Variants in MID1 observed in about 807,000 individuals in gnomAD.
MID1 encodes the protein midline 1.
A neutral mutation model predicts 40.4 loss-of-function variants in MID1; 7 were observed. The ratio of observed to expected loss-of-function variants is 0.17; its 90% CI spans 0.10 to 0.33. MID1 has a LOEUF of 0.33. Ranked by LOEUF, MID1 falls within the 10% of genes least tolerant of loss-of-function variation. The pLI, the probability that MID1 is intolerant of heterozygous loss-of-function variation, is 1.00. For synonymous variants in MID1, 229 were observed against 221.2 expected, an observed-to-expected ratio of 1.04 and a Z score of -0.31; for missense variants, 367 against 558.5, an observed-to-expected ratio of 0.66 and a Z score of 3.46.
In MID1 at chrX:10,580,908, C is replaced by T. The variant is rs1366833673; in HGVS notation, c.-56-13305G>A. 6.3e-5 allele frequency among the ~76,000 whole-genome samples: 6 copies of T among 94,598 alleles called. No individual in the cohort carries two copies. The East Asian group carries it at 2.0e-3, about 31-fold the overall frequency. 82.1% of individuals were successfully genotyped at this position (94,598 alleles called of 115,157 possible). ...CAAGTGTTCTTGGTCTAGTTTTGGG[C>T]TGACACTGTCAATGTGGTGTCCTGT... On this transcript the variant is annotated intron_variant, in intron 1 of 9. Transcript: ENST00000317552.
At chrX:10,785,015 G>A (rs985090129) in intron 1 of MID1, among the ~76,000 whole-genome samples, 1 of 110,928 alleles carries the variant, frequency 9.0e-6, no homozygotes, top group Non-Finnish European at 1.9e-5. Flanking sequence ...AGGAAAAGAG[G>A]AAGTCAAATT....
chrX:10,697,931 G>A (rs2043171419), intron 1 of MID1, among the ~76,000 whole-genome samples: 1 of 112,065 alleles, frequency 8.9e-6, no homozygotes, highest in Admixed American at 9.4e-5. Flanking sequence ...TGTCCCCTGG[G>A]GGAAAGAATC....
At chrX:10,792,182 T>C (rs1258268887) in intron 1 of MID1, among the ~76,000 whole-genome samples, 1 of 112,102 alleles carries the variant, frequency 8.9e-6, no homozygotes, top group Non-Finnish European at 1.9e-5. Flanking sequence ...ATAGACAATA[T>C]GTAAATGAAT....
At chrX:10,696,504 C>G (rs1343742346) in intron 1 of MID1, among the ~76,000 whole-genome samples, 1 of 111,582 alleles carries the variant, frequency 9.0e-6, no homozygotes, top group African/African-American at 3.3e-5. Context: ...TCTTGATAAA[C>G]TTTCACTCCT....
At chrX:10,803,448 G>A (rs1289443009) in intron 1 of MID1, among the ~76,000 whole-genome samples, 3 of 107,361 alleles carry the variant, frequency 2.8e-5, no homozygotes, top group Non-Finnish European at 5.8e-5. Flanking sequence ...CACCTCCCAG[G>A]TTCAAGCGAT....
chrX:10,548,917 A>G (rs1323938293), intron 2 of MID1, among the ~76,000 whole-genome samples: 1 of 112,309 alleles, frequency 8.9e-6, no homozygotes, highest in Non-Finnish European at 1.9e-5. Context: ...TCATCAGCAC[A>G]GTAAGGAAGA....
chrX:10,724,598 A>G (rs2043378144), intron 1 of MID1, among the ~76,000 whole-genome samples: 1 of 112,212 alleles, frequency 8.9e-6, no homozygotes, highest in Admixed American at 9.4e-5. Context: ...AACCGGAAAA[A>G]ACTCTAAATG....
intron 7 of MID1, among the ~76,000 whole-genome samples, chrX:10,465,214 T>TATATATACACACAC (rs1477864693): frequency 5.0e-5 from 2 of 39,898 alleles, no homozygotes; most frequent in African/African-American, 1.4e-4. Context: ...TATATATATA[T>TATATATACACACAC]ACACACACAC....
chrX:10,704,735 T>C (rs868279602), intron 1 of MID1, among the ~76,000 whole-genome samples: 981 of 84,838 alleles, frequency 0.012, 28 homozygotes, highest in African/African-American at 0.049. Context: ...TATATATATA[T>C]ATATACACAC....
At chrX:10,767,543 T>G (rs2147124606) in intron 1 of MID1, among the ~76,000 whole-genome samples, 1 of 111,375 alleles carries the variant, frequency 9.0e-6, no homozygotes, top group Non-Finnish European at 1.9e-5. Context: ...ACGGTCTCAA[T>G]CTCGTGACCT....
chrX:10,807,911 G>T (rs1004487979), intron 1 of MID1, among the ~76,000 whole-genome samples: 1 of 112,264 alleles, frequency 8.9e-6, no homozygotes, highest in Non-Finnish European at 1.9e-5. Flanking sequence ...GGGTATCCAG[G>T]TCTCCTAGGA....
intron 6 of MID1, among the ~76,000 whole-genome samples, chrX:10,473,436 C>G (rs1215764801): frequency 8.9e-6 from 1 of 112,145 alleles, no homozygotes; most frequent in East Asian, 2.8e-4. Context: ...GCCTGCCTTG[C>G]TTGACAATGC....
chrX:10,516,656 A>G (rs1932462580), intron 3 of MID1, among the ~76,000 whole-genome samples: 1 of 106,292 alleles, frequency 9.4e-6, no homozygotes, highest in Non-Finnish European at 1.9e-5. Context: ...TCACTCTGTC[A>G]CCCAGGCTGG....
intron 1 of MID1, among the ~76,000 whole-genome samples, chrX:10,705,108 A>G (rs1298435584): frequency 8.9e-6 from 1 of 112,061 alleles, no homozygotes; most frequent in Admixed American, 9.5e-5. Flanking sequence ...AAGAAAAAAG[A>G]AGATAATAAT....
At chrX:10,575,269 G>T (rs1182256584) in intron 1 of MID1, among the ~76,000 whole-genome samples, 1 of 111,857 alleles carries the variant, frequency 8.9e-6, no homozygotes, top group African/African-American at 3.3e-5. Context: ...TTTAAAGACT[G>T]CAGAGTGATG....
At chrX:10,582,522 G>A (rs957575495) in intron 1 of MID1, among the ~76,000 whole-genome samples, 3 of 112,111 alleles carry the variant, frequency 2.7e-5, no homozygotes, top group Non-Finnish European at 5.6e-5. Flanking sequence ...AGTTACCACA[G>A]AGGCAGAATT....
chrX:10,581,594 T>C (rs1479229974), intron 1 of MID1, among the ~76,000 whole-genome samples: 2 of 112,201 alleles, frequency 1.8e-5, no homozygotes, highest in Non-Finnish European at 3.8e-5. Context: ...CCACTCTTCT[T>C]TGAATAAATT....
chrX:10,829,918 A>G (rs2044242491), intron 1 of MID1, among the ~76,000 whole-genome samples: 1 of 112,142 alleles, frequency 8.9e-6, no homozygotes, highest in Admixed American at 9.5e-5. Flanking sequence ...CCATTATAAA[A>G]GCTCTCAAGT....
chrX:10,723,065 T>C (rs1164536227), intron 1 of MID1, among the ~76,000 whole-genome samples: 1 of 111,272 alleles, frequency 9.0e-6, no homozygotes, highest in Non-Finnish European at 1.9e-5. Context: ...AGGGTGTTTC[T>C]GGAACAAAAA....
Sources: allele counts gnomAD v4.1 joint callset (sites outside exome capture counted in the v4.1 genomes callset), GRCh38; gene constraint gnomAD v4.1.1; transcripts MANE v1.5; gene names NCBI Gene and HGNC (gene_info 2026-07-23, HGNC 2026-07-21).